BTRC: variants seen among roughly 807,000 people sequenced by gnomAD.
BTRC encodes the protein F-box/WD repeat-containing protein 1A.
A neutral mutation model predicts 85.5 loss-of-function variants in BTRC; 42 were observed. That is an observed-to-expected ratio of 0.49 (90% CI 0.38 to 0.64). BTRC has a LOEUF of 0.64. BTRC is among the 30% of genes least tolerant of loss of function. The pLI is 0.00. For missense variants in BTRC, 594 were observed against 743.5 expected (o/e 0.80, Z 2.34); for synonymous variants, 255 against 263.3 (o/e 0.97, Z 0.30).
chr10:101,363,583 C>G (rs1036529551), intron 1 of BTRC, among the ~76,000 whole-genome samples: 1 of 152,006 alleles, frequency 6.6e-6, no homozygotes, highest in Non-Finnish European at 1.5e-5. Context: ...CTCAGCCTCC[C>G]GAGTAGCTGG....
intron 1 of BTRC, among the ~76,000 whole-genome samples, chr10:101,395,857 T>C (rs967791611): frequency 6.6e-6 from 1 of 152,154 alleles, no homozygotes; most frequent in African/African-American, 2.4e-5. Flanking sequence ...TAATGGGAAA[T>C]TTAGTAATAT....
At chr10:101,476,554 C>G (rs1297432376) in intron 3 of BTRC, among the ~76,000 whole-genome samples, 1 of 151,880 alleles carries the variant, frequency 6.6e-6, no homozygotes, top group Non-Finnish European at 1.5e-5. Flanking sequence ...TCCCTGCAGT[C>G]TTCAACTCCA....
intron 13 of BTRC, among the ~76,000 whole-genome samples, chr10:101,540,566 C>CT (rs1392592852): frequency 6.6e-6 from 1 of 152,112 alleles, no homozygotes; most frequent in East Asian, 1.9e-4. Context: ...TCAGCTTTGT[C>CT]TTTTTCAAAG....
intron 3 of BTRC, among the ~76,000 whole-genome samples, chr10:101,468,852 G>C (rs1431460676): frequency 6.6e-6 from 1 of 152,142 alleles, no homozygotes; most frequent in African/African-American, 2.4e-5. Context: ...TGTGTTATAT[G>C]TTTCACCTGA....
At chr10:101,425,410 G>A (rs1016501107) in intron 1 of BTRC, among the ~76,000 whole-genome samples, 17 of 152,122 alleles carry the variant, frequency 1.1e-4, no homozygotes, top group Non-Finnish European at 2.4e-4. Context: ...GCAAAGGAGA[G>A]TCAATTGGGG....
In BTRC at chr10:101,389,119, GTTTTTT is replaced by G. The variant is rs1188561028; in HGVS notation, c.48+34915_48+34920del. The stretch of plus-strand genomic sequence containing the variant: ...TGCATAATTGTGATTTTTTGTGTGT[GTTTTTT>G]TTTTTTTTTTTTTTTTTTTTTTTGC... On this transcript the variant is annotated intron_variant, in intron 1 of 14. Coordinates refer to ENST00000370187, the MANE Select transcript of BTRC (RefSeq NM_033637.4). Among the ~76,000 whole-genome samples the G allele has an allele frequency of 9.6e-5, 4 of 41,556 alleles. No individual in the cohort carries two copies. In the East Asian group the frequency reaches 4.1e-3, roughly 43 times the overall value. The allele number at this position is 41,556 out of a possible 152,430, so 27.3% of individuals were successfully genotyped here. A position where few individuals can be genotyped will look rare whatever the true frequency, so the allele number is the denominator to read the frequency against.
intron 4 of BTRC, among the ~76,000 whole-genome samples, chr10:101,499,444 G>A (rs1428017569): frequency 6.6e-6 from 1 of 151,878 alleles, no homozygotes; most frequent in African/African-American, 2.4e-5. Context: ...CCAGGCTGCT[G>A]TCAAACTCCT....
Position 101,456,898 on chromosome 10 carries a change from A to G in BTRC, c.157-5083A>G, listed in dbSNP as rs952290941. On this transcript the variant is annotated intron_variant, in intron 2 of 14. Coordinates refer to ENST00000370187, the MANE Select transcript of BTRC (RefSeq NM_033637.4). ...AAATAAATATTTGAGTTAATATAAA[A>G]GGTAACAAGTTGTGTAGAATCTTTT... Among the ~76,000 whole-genome samples the G allele has an allele frequency of 3.3e-5, 5 of 152,346 alleles. No individual in the cohort carries two copies. In the East Asian group the frequency reaches 7.7e-4, roughly 23 times the overall value.
chr10:101,431,811 C>T (rs1564768751), intron 2 of BTRC, among the ~76,000 whole-genome samples: 1 of 152,022 alleles, frequency 6.6e-6, no homozygotes, highest in Non-Finnish European at 1.5e-5. Flanking sequence ...TTTCATTTTT[C>T]CTTTACAAAA....
chr10:101,370,220 C>T (rs930449100), intron 1 of BTRC, among the ~76,000 whole-genome samples: 4 of 152,212 alleles, frequency 2.6e-5, no homozygotes, highest in Admixed American at 6.5e-5. Flanking sequence ...CTCCTGGGCT[C>T]AGGTGATCCT....
At chr10:101,488,355 G>A (rs1223080857) in intron 4 of BTRC, among the ~76,000 whole-genome samples, 2 of 152,028 alleles carry the variant, frequency 1.3e-5, no homozygotes, top group African/African-American at 4.8e-5. Context: ...CTCAGTGTTG[G>A]GCTGTGTTAT....
At chr10:101,509,688 G>C (rs1554890543) in intron 4 of BTRC, among the ~76,000 whole-genome samples, 4 of 148,846 alleles carry the variant, frequency 2.7e-5, no homozygotes, top group Non-Finnish European at 3.0e-5. Flanking sequence ...AAGTAACTGA[G>C]ACTACAGGCA....
chr10:101,453,187 A>G (rs1944993160), intron 2 of BTRC, among the ~76,000 whole-genome samples: 1 of 152,250 alleles, frequency 6.6e-6, no homozygotes, highest in African/African-American at 2.4e-5. Context: ...TAATCCAATT[A>G]CTAATTTACC....
chr10:101,407,278 T>TTTGAGG (rs1218991419), intron 1 of BTRC, among the ~76,000 whole-genome samples: 1 of 152,088 alleles, frequency 6.6e-6, no homozygotes, highest in African/African-American at 2.4e-5. Context: ...AGCTCAGGAG[T>TTTGAGG]TTGAGGTTCT....
intron 4 of BTRC, among the ~76,000 whole-genome samples, chr10:101,509,494 T>A (rs1589570999): frequency 6.7e-6 from 1 of 149,522 alleles, no homozygotes; most frequent in Non-Finnish European, 1.5e-5. Flanking sequence ...GACCTCGTGA[T>A]CCGCCCGCCT....
At chr10:101,514,526 C>CACTAT (rs1441087070) in intron 4 of BTRC, among the ~76,000 whole-genome samples, 6 of 151,770 alleles carry the variant, frequency 4.0e-5, no homozygotes, top group African/African-American at 1.5e-4. Flanking sequence ...AATCTAGGCT[C>CACTAT]ACTATAACCT....
chr10:101,482,341 A>G (rs1945856538), intron 4 of BTRC, among the ~76,000 whole-genome samples: 1 of 141,796 alleles, frequency 7.1e-6, no homozygotes, highest in Non-Finnish European at 1.6e-5. Flanking sequence ...TTTTTTATTT[A>G]CATGTGTTTT....
At chr10:101,396,179 T>C (rs570198067) in intron 1 of BTRC, among the ~76,000 whole-genome samples, 1 of 151,362 alleles carries the variant, frequency 6.6e-6, no homozygotes, top group African/African-American at 2.4e-5. Flanking sequence ...AAACACACTG[T>C]CTTTGCTCTC....
chr10:101,506,210 T>A (rs188435594), intron 4 of BTRC, among the ~76,000 whole-genome samples: 84 of 152,318 alleles, frequency 5.5e-4, no homozygotes, highest in Non-Finnish European at 1.0e-3. Context: ...ACCTGTAGTT[T>A]TCGCGCCTGG....
Sources: allele counts gnomAD v4.1 joint callset (sites outside exome capture counted in the v4.1 genomes callset), GRCh38; gene constraint gnomAD v4.1.1; transcripts MANE v1.5; gene names NCBI Gene and HGNC (gene_info 2026-07-23, HGNC 2026-07-21).